MACROD2: variants seen among roughly 807,000 people sequenced by gnomAD.
The protein encoded by MACROD2 is ADP-ribose glycohydrolase MACROD2.
A neutral mutation model predicts 70.4 loss-of-function variants in MACROD2; 36 were observed. The observed-to-expected ratio is 0.51, with a 90% CI of 0.39 to 0.68. MACROD2 has a LOEUF of 0.68. MACROD2 is among the 30% of genes least tolerant of loss of function. The pLI is 0.00. For synonymous variants in MACROD2, 172 were observed against 178.8 expected (o/e 0.96, Z 0.30); for missense variants, 496 against 538.4 (o/e 0.92, Z 0.78).
At chr20:15,893,623 A>G in intron 10 of MACROD2, 1 of 437,420 alleles carries the variant, frequency 2.3e-6, no homozygotes, top group Admixed American at 2.5e-5. Context: ...TGTTCTTTTC[A>G]TGTGAACCTC....
chr20:15,644,931 CA>C (rs751806257), intron 8 of MACROD2, among the ~76,000 whole-genome samples: 17 of 152,156 alleles, frequency 1.1e-4, no homozygotes, highest in Non-Finnish European at 2.2e-4. Flanking sequence ...CTAGGTGATC[CA>C]CCTGCCTCAG....
chr20:14,629,071 G>A (rs538912095), intron 4 of MACROD2, among the ~76,000 whole-genome samples: 1 of 152,224 alleles, frequency 6.6e-6, no homozygotes, highest in African/African-American at 2.4e-5. Context: ...ACGGCCGTAG[G>A]AAAATAGGCG....
In MACROD2 at chr20:15,196,987, T is replaced by C. The variant is rs573480913; in HGVS notation, c.419-32953T>C. ...TCAGGTATCCAAAGAGCACATTTTT[T>C]GGAAACTCAACACTCAGGAAGGTCG... is the stretch of plus-strand genomic sequence containing the variant. On this transcript the variant is annotated intron_variant, in intron 5 of 17. Transcript: ENST00000684519. 9 of 985,406 alleles carry C rather than the reference T, an allele frequency of 9.1e-6. No individual in the cohort carries two copies. In the East Asian group the frequency reaches 5.7e-4, roughly 62 times the overall value. 61.0% of individuals were successfully genotyped at this position (985,406 alleles called of 1,614,324 possible). A position where few individuals can be genotyped will look rare whatever the true frequency, so the allele number is the denominator to read the frequency against.
intron 3 of MACROD2, among the ~76,000 whole-genome samples, chr20:14,154,278 A>G (rs1208440480): frequency 1.3e-5 from 2 of 152,100 alleles, no homozygotes; most frequent in South Asian, 4.1e-4. Context: ...TTGCTGAATG[A>G]TAATTTTTTA....
At chr20:14,802,589 A>G (rs2072589999) in intron 5 of MACROD2, among the ~76,000 whole-genome samples, 1 of 151,954 alleles carries the variant, frequency 6.6e-6, no homozygotes, top group Non-Finnish European at 1.5e-5. Flanking sequence ...GTTAATTATA[A>G]CAATATTTTT....
chr20:14,340,844 A>G (rs1568568261), intron 3 of MACROD2, among the ~76,000 whole-genome samples: 1 of 152,196 alleles, frequency 6.6e-6, no homozygotes, highest in Non-Finnish European at 1.5e-5. Context: ...ATCTCAAAGG[A>G]CTTTGTGGTG....
chr20:14,497,257 G>T (rs1321301848), intron 4 of MACROD2, among the ~76,000 whole-genome samples: 1 of 151,704 alleles, frequency 6.6e-6, no homozygotes, highest in Non-Finnish European at 1.5e-5. Flanking sequence ...TTGCTGCCCA[G>T]ATTCATATAC....
intron 4 of MACROD2, among the ~76,000 whole-genome samples, chr20:14,601,718 A>T (rs1982511235): frequency 6.6e-6 from 1 of 152,150 alleles, no homozygotes; most frequent in South Asian, 2.1e-4. Flanking sequence ...GTCATAACTT[A>T]GCACTGGAAA....
chr20:14,264,122 A>G (rs1181253844), intron 3 of MACROD2, among the ~76,000 whole-genome samples: 2 of 151,950 alleles, frequency 1.3e-5, no homozygotes, highest in Non-Finnish European at 2.9e-5. Context: ...GGCATATATA[A>G]TACACAATGC....
At chr20:15,131,646 T>C (rs6135343) in intron 5 of MACROD2, among the ~76,000 whole-genome samples, 116,255 of 151,906 alleles carry the variant, frequency 0.77, 44,909 homozygotes, top group East Asian at 0.99. Flanking sequence ...AGAATCTTGA[T>C]AATGGAAGAT....
chr20:15,729,831 C>CT (rs61542762), intron 8 of MACROD2, among the ~76,000 whole-genome samples: 5,951 of 65,026 alleles, frequency 0.092, 892 homozygotes, highest in Middle Eastern at 0.26. Flanking sequence ...TTGGGTCATG[C>CT]TTTTTTTTTT....
intron 8 of MACROD2, among the ~76,000 whole-genome samples, chr20:15,517,972 G>A (rs538300352): frequency 3.9e-5 from 6 of 152,318 alleles, no homozygotes; most frequent in East Asian, 1.9e-4. Flanking sequence ...TTTGCATAAC[G>A]TGCAGGCACA....
At chr20:15,561,532 G>A (rs2048243767) in intron 8 of MACROD2, among the ~76,000 whole-genome samples, 1 of 152,132 alleles carries the variant, frequency 6.6e-6, no homozygotes, top group Non-Finnish European at 1.5e-5. Flanking sequence ...TTCTGTCTGT[G>A]CTACCTAAAA....
intron 5 of MACROD2, among the ~76,000 whole-genome samples, chr20:15,159,537 A>G (rs2145872831): frequency 6.6e-6 from 1 of 152,240 alleles, no homozygotes; most frequent in African/African-American, 2.4e-5. Context: ...TAAGAATAAA[A>G]ATATGGTTTG....
intron 5 of MACROD2, among the ~76,000 whole-genome samples, chr20:15,048,121 A>AAATAAATAAATAAAT (rs562714078): frequency 2.3e-3 from 340 of 149,824 alleles, no homozygotes; most frequent in African/African-American, 7.3e-3. Context: ...AATAAATAAT[A>AAATAAATAAATAAAT]AAAAATTAGC....
At position 15,846,911 on chromosome 20, in the gene MACROD2, TTATA is replaced by T. The variant is rs33993940; in HGVS notation, c.646-15796_646-15793del. On this transcript the variant is annotated intron_variant, in intron 8 of 17. Coordinates refer to ENST00000684519, the MANE Select transcript of MACROD2 (RefSeq NM_001351661.2). ...GACCTTGACATAGTCAAAAAAAAAA[TTATA>T]TATATATATATATATATATATATAT... Among the ~76,000 whole-genome samples the T allele has an allele frequency of 3.7e-3, 515 of 137,880 alleles. 9 individuals are homozygous for T. The highest frequency in any genetic ancestry group is 0.012 in the African/African-American group (423 of 36,214). 90.5% of individuals were successfully genotyped at this position (137,880 alleles called of 152,430 possible).
intron 3 of MACROD2, among the ~76,000 whole-genome samples, chr20:14,110,291 C>G (rs778858378): frequency 1.3e-4 from 19 of 151,934 alleles, no homozygotes; most frequent in Non-Finnish European, 2.7e-4. Context: ...TGGGGGAAAA[C>G]TGAAAGCTTT....
At chr20:14,086,399 T>C (rs1429415725) in intron 3 of MACROD2, among the ~76,000 whole-genome samples, 1 of 152,206 alleles carries the variant, frequency 6.6e-6, no homozygotes, top group Non-Finnish European at 1.5e-5. Flanking sequence ...TATTTAATGA[T>C]TTTAATTTGT....
chr20:14,926,785 T>G lies in MACROD2; in HGVS notation c.418+241826T>G, dbSNP rs146781567. 8.5e-5 allele frequency among the ~76,000 whole-genome samples: 13 copies of G among 152,264 alleles called. 1 individual carries two copies. The East Asian group carries it at 2.5e-3, about 29-fold the overall frequency. ...AAAAAATGCTCTAGCTTGCTATATCTTGTGTTTGCCACCTGTATAGTGGGC... is the reference window on the plus strand; with the variant it reads ...AAAAAATGCTCTAGCTTGCTATATCGTGTGTTTGCCACCTGTATAGTGGGC... On this transcript the variant is annotated intron_variant, in intron 5 of 17. Transcript: ENST00000684519.
Sources: gnomAD v4.1 joint callset for allele counts (sites outside exome capture counted in the v4.1 genomes callset) on GRCh38, gnomAD v4.1.1 for gene constraint, MANE v1.5 for transcripts, NCBI Gene and HGNC (gene_info 2026-07-23, HGNC 2026-07-21) for gene names.